TFR2: variants seen among roughly 807,000 people sequenced by gnomAD.
TFR2 encodes transferrin receptor 2.
In TFR2, 64 loss-of-function variants were observed where a neutral mutation model predicts 91.9. The observed-to-expected ratio is 0.70, with a 90% CI of 0.57 to 0.86. TFR2 has a LOEUF of 0.86. Ranked by LOEUF, TFR2 falls within the 40% of genes least tolerant of loss-of-function variation. The pLI, the probability that TFR2 is intolerant of heterozygous loss-of-function variation, is 0.00. For synonymous variants in TFR2, 454 were observed against 459.6 expected (o/e 0.99, Z 0.15); for missense variants, 950 against 1,080.5 (o/e 0.88, Z 1.69).
At chr7:100,625,319 A>G (rs2131309072) in intron 17 of TFR2, among the ~76,000 whole-genome samples, 1 of 152,124 alleles carries the variant, frequency 6.6e-6, no homozygotes, top group South Asian at 2.1e-4. Flanking sequence ...TCAGCCTCCC[A>G]AAGTGCTGAG....
chr7:100,633,028 G>C lies in TFR2; in HGVS notation c.822C>G (p.Arg274=), dbSNP rs1262970273. ...TCTGGGCGAAGCTGATCACCCCCACGCGCACCAGCAGCAGGCGGCCCACTG... is the reference window on the plus strand; with the variant it reads ...TCTGGGCGAAGCTGATCACCCCCACCCGCACCAGCAGCAGGCGGCCCACTG... ...VDPVGRLLLV[R]VGVISFAQKV... Residue 274 remains arginine (R), a synonymous_variant, in exon 6 of 18, where the codon CGC becomes CGG. Transcript: ENST00000223051. 6.2e-7 allele frequency: 1 copy of C among 1,613,566 alleles called. No homozygotes were observed. Among genetic ancestry groups the C allele is most frequent in the Non-Finnish European group, 8.5e-7 (1 of 1,179,986 alleles).
rs1184133298 is a variant in TFR2, at chr7:100,633,240, C to A, written c.715G>T (p.Gly239Cys). Reference sequence around the variant, plus strand: ...CAGGGGGTGCTCACCGTGACGTTGCCGATGGCGCTGTAGGGGCAGTAGACG... The same window carrying A: ...CAGGGGGTGCTCACCGTGACGTTGCAGATGGCGCTGTAGGGGCAGTAGACG... Reference protein sequence around the residue: ...PDVYCPYSAIGNVTGELVYAH... With the variant: ...PDVYCPYSAICNVTGELVYAH... Residue 239 changes from glycine (G) to cysteine (C), a missense_variant, in exon 5 of 18, where the codon GGC becomes TGC. Physicochemically the swap from Gly to Cys is radical, Grantham distance 159. Coordinates refer to ENST00000223051, the MANE Select transcript of TFR2 (RefSeq NM_003227.4). The A allele has an allele frequency of 1.2e-6, 2 of 1,613,802 alleles. No individual in the cohort carries two copies. The highest frequency in any genetic ancestry group is 1.7e-5 in the Admixed American group (1 of 60,018).
intron 17 of TFR2, among the ~76,000 whole-genome samples, chr7:100,625,059 CTTTTT>C (rs34968337): frequency 1.9e-5 from 2 of 105,296 alleles, no homozygotes; most frequent in South Asian, 3.0e-4. Context: ...TTTTCTTTTT[CTTTTT>C]TTTTTTTTTT....
chr7:100,641,344 T>C, intron 1 of TFR2, 116 bp from the exon 2 acceptor site: 1 of 134,416 alleles, frequency 7.4e-6, no homozygotes, highest in Non-Finnish European at 1.4e-5. Flanking sequence ...GGTGGGGGCG[T>C]GGGGGAGGGG....
At chr7:100,635,612 AT>A (rs1026993143) in intron 3 of TFR2, among the ~76,000 whole-genome samples, 1 of 150,976 alleles carries the variant, frequency 6.6e-6, no homozygotes. Context: ...TGCCCAGCTA[AT>A]TTTTTTTGTA....
intron 11 of TFR2, 37 bp from the exon 12 acceptor site, chr7:100,628,173 C>A: frequency 6.2e-7 from 1 of 1,613,590 alleles, no homozygotes; most frequent in South Asian, 1.1e-5. Context: ...GGGAACCCCC[C>A]ACCCCCACCT....
intron 17 of TFR2, among the ~76,000 whole-genome samples, chr7:100,625,558 AAAG>A (rs1803231197): frequency 6.6e-6 from 1 of 152,166 alleles, no homozygotes; most frequent in Non-Finnish European, 1.5e-5. Flanking sequence ...GGCAAAGGTT[AAAG>A]AAGAATGAAT....
rs540938847 is a variant in TFR2, at chr7:100,639,469, G to A, written c.473+1217C>T. Among the ~76,000 whole-genome samples, 8 of 152,172 alleles carry A rather than the reference G, an allele frequency of 5.3e-5. No homozygotes were observed. The South Asian group carries it at 1.2e-3, about 24-fold the overall frequency. On this transcript the variant is annotated intron_variant, in intron 3 of 17. Coordinates refer to ENST00000223051, the MANE Select transcript of TFR2 (RefSeq NM_003227.4). ...TGTCTGGAGCACAGCAAAGTTCATT[G>A]TCAATGGCAAAGTATTATAAAAGCA...
Position 100,640,765 on chromosome 7 carries a change from G to T in TFR2, c.394C>A (p.Gln132Lys), listed in dbSNP as rs769943842. 2 of 1,614,112 alleles carry T rather than the reference G, an allele frequency of 1.2e-6. No individual in the cohort carries two copies. Among genetic ancestry groups the T allele is most frequent in the East Asian group, 4.5e-5 (2 of 44,868 alleles). Residue 132 changes from glutamine (Q) to lysine (K), a missense_variant, in exon 3 of 18, where the codon CAG becomes AAG. Coordinates refer to ENST00000223051, the MANE Select transcript of TFR2 (RefSeq NM_003227.4). ...VNYEPDLDFH[Q>K]GRLYWSDLQA... ...AGGTCGCTCCAGTAGAGTCTGCCCT[G>T]GTGGAAATCCAGGTCAGGCTCATAG...
chr7:100,632,889 A>T, intron 6 of TFR2, 112 bp downstream of exon 6: 1 of 1,568,022 alleles, frequency 6.4e-7, no homozygotes, highest in Non-Finnish European at 8.8e-7. Flanking sequence ...CTTACCATCC[A>T]GCCACATGGT....
rs751672078 is a variant in TFR2, at chr7:100,641,486, G to A, written c.24C>T (p.Phe8=). Reference sequence around the variant, plus strand: ...ATCCCACTAGTCTTACCGCTCTCTGGAATAGACCCCAAAGCCGCTCCATGC... The same window carrying A: ...ATCCCACTAGTCTTACCGCTCTCTGAAATAGACCCCAAAGCCGCTCCATGC... MERLWGL[F]QRAQQLSPRS... is the part of the protein sequence containing the mutation. The change falls in exon 1 of 18, where the codon TTC becomes TTT. Residue 8 remains phenylalanine (F), a synonymous_variant. Transcript: ENST00000223051. The A allele has an allele frequency of 6.2e-7, 1 of 1,613,908 alleles. No individual in the cohort carries two copies. The highest frequency in any genetic ancestry group is 1.1e-5 in the South Asian group (1 of 91,052).
chr7:100,626,461 A>AG (rs1203595023), intron 17 of TFR2: 6 of 694,036 alleles, frequency 8.6e-6, no homozygotes, highest in Non-Finnish European at 1.2e-5. Context: ...GAGCTATAGG[A>AG]GGGGAGTCAG....
At position 100,633,432 on chromosome 7, in the gene TFR2, G is replaced by C. The variant is rs758027412; in HGVS notation, c.598C>G (p.Leu200Val). The C allele has an allele frequency of 3.7e-6, 6 of 1,611,712 alleles. No homozygotes were observed. Among genetic ancestry groups the C allele is most frequent in the Non-Finnish European group, 4.2e-6 (5 of 1,179,208 alleles). ...CGCACTCACGGATCCGGGAATTGCAGCCCCACGTAGTGCGTGTCGGTCCAC... is the reference window on the plus strand; with the variant it reads ...CGCACTCACGGATCCGGGAATTGCACCCCCACGTAGTGCGTGTCGGTCCAC... ...HVWTDTHYVG[L>V]QFPDPAHPNT... is the part of the protein sequence containing the mutation. Residue 200 changes from leucine to valine, a missense_variant, in exon 4 of 18, where the codon CTG becomes GTG. By Grantham distance (32) the Leu-to-Val change is conservative. Coordinates refer to ENST00000223051, the MANE Select transcript of TFR2 (RefSeq NM_003227.4).
At chr7:100,626,630 A>C in intron 17 of TFR2, 133 bp downstream of exon 17, 33 of 1,472,144 alleles carry the variant, frequency 2.2e-5, no homozygotes, top group Middle Eastern at 2.5e-4. Context: ...AGGACTGGGA[A>C]GAGAGCATCC....
intron 17 of TFR2, among the ~76,000 whole-genome samples, chr7:100,621,544 A>G (rs12673102): frequency 0.88 from 133,293 of 152,212 alleles, 58,686 homozygotes; most frequent in African/African-American, 0.96. Flanking sequence ...GTGAGCCACC[A>G]CGCTAGGCCT....
Position 100,629,334 on chromosome 7 carries a change from C to T in TFR2, c.1309G>A (p.Gly437Ser). 6.2e-7 allele frequency: 1 copy of T among 1,614,098 alleles called. No individual in the cohort carries two copies. Among genetic ancestry groups the T allele is most frequent in the Non-Finnish European group, 8.5e-7 (1 of 1,179,974 alleles). ...ACAGCGGATTTAGCTGCTCCTGGGC[C>T]CCATGCATCCCTCTGGGCCCCGATG... Reference protein sequence around the residue: ...VVIGAQRDAWGPGAAKSAVGT... With the variant: ...VVIGAQRDAWSPGAAKSAVGT... Residue 437 changes from glycine to serine, a missense_variant, in exon 10 of 18, where the codon GGC becomes AGC. Gly to Ser is a moderately conservative substitution (Grantham distance 56, BLOSUM62 0). Coordinates refer to ENST00000223051, the MANE Select transcript of TFR2 (RefSeq NM_003227.4).
chr7:100,641,031 T>A lies in TFR2; in HGVS notation c.231A>T (p.Ala77=). The A allele has an allele frequency of 2.5e-6, 4 of 1,601,988 alleles. No individual in the cohort carries two copies. Among genetic ancestry groups the A allele is most frequent in the Non-Finnish European group, 3.4e-6 (4 of 1,173,206 alleles). Residue 77 remains alanine, a synonymous_variant, in exon 2 of 18, where the codon GCA becomes GCT. Coordinates refer to ENST00000223051, the MANE Select transcript of TFR2 (RefSeq NM_003227.4). Reference sequence around the variant, plus strand: ...CCAGGTAGGGGGCAGCCCTCCGTCCTGCTGCCGCCCAGGGAATGAGGTTTG... The same window carrying A: ...CCAGGTAGGGGGCAGCCCTCCGTCCAGCTGCCGCCCAGGGAATGAGGTTTG... ...RQPNLIPWAA[A]GRRAAPYLVL...
rs141943282 is a variant in TFR2, at chr7:100,633,541, C to A, written c.489G>T (p.Arg163=). Residue 163 remains arginine, a synonymous_variant, in exon 4 of 18, where the codon CGG becomes CGT. Coordinates refer to ENST00000223051, the MANE Select transcript of TFR2 (RefSeq NM_003227.4). ...TCCCGGCCGAGCCTGCCACCCGTTC[C>A]CGAAGGCTGGTTTGCCTAAGCGGGG... ...LEDTIRQTSL[R]ERVAGSAGMA... is the part of the protein sequence containing the mutation. 1.9e-6 allele frequency: 3 copies of A among 1,605,248 alleles called. No individual in the cohort carries two copies. Among genetic ancestry groups the A allele is most frequent in the African/African-American group, 2.7e-5 (2 of 74,852 alleles).
rs903250919 is a variant in TFR2, at chr7:100,627,788, G to T, written c.1638C>A (p.Leu546=). 11 of 1,613,914 alleles carry T rather than the reference G, an allele frequency of 6.8e-6. No individual in the cohort carries two copies. Among genetic ancestry groups the T allele is most frequent in the Non-Finnish European group, 9.3e-6 (11 of 1,179,954 alleles). The part of the protein sequence containing the change: ...VDSPNHSGQT[L]YEQVVFTNPS... ...GATTGGTGAACACCACCTGTTCATA[G>T]AGAGTCTGCCCACTGTGGTTGGGAG... Residue 546 remains leucine (L), a synonymous_variant, in exon 14 of 18, where the codon CTC becomes CTA. Transcript: ENST00000223051.
Sources: gnomAD v4.1 joint callset for allele counts (sites outside exome capture counted in the v4.1 genomes callset) on GRCh38, gnomAD v4.1.1 for gene constraint, MANE v1.5 for transcripts, NCBI Gene and HGNC (gene_info 2026-07-23, HGNC 2026-07-21) for gene names.